MPP7: variants seen among roughly 807,000 people sequenced by gnomAD.
MPP7 encodes MAGUK p55 scaffold protein 7.
Under a neutral mutation model 76.5 loss-of-function variants are expected in MPP7, and 60 were observed. That is an observed-to-expected ratio of 0.78 (90% CI 0.64 to 0.97). MPP7 has a LOEUF of 0.97. MPP7 is among the 50% of genes least tolerant of loss of function. The pLI is 0.00. For synonymous variants in MPP7, 237 were observed against 244.5 expected (o/e 0.97, Z 0.29); for missense variants, 641 against 694.0 (o/e 0.92, Z 0.86).
chr10:28,081,990 G>A (rs1852786022), intron 12 of MPP7, among the ~76,000 whole-genome samples: 1 of 152,128 alleles, frequency 6.6e-6, no homozygotes, highest in Non-Finnish European at 1.5e-5. Flanking sequence ...GACCTCAGGT[G>A]ATCCACCTGC....
At chr10:28,229,862 C>T (rs1165999213) in intron 2 of MPP7, among the ~76,000 whole-genome samples, 2 of 150,188 alleles carry the variant, frequency 1.3e-5, no homozygotes, top group African/African-American at 4.9e-5. Context: ...GCACTCCAGC[C>T]TAGGTGACAG....
chr10:28,314,694 A>G (rs2133177723), intron 2 of MPP7, among the ~76,000 whole-genome samples: 1 of 152,344 alleles, frequency 6.6e-6, no homozygotes, highest in South Asian at 2.1e-4. Context: ...TTCTGAGGCC[A>G]TTTCCTTATT....
chr10:28,090,269 A>T (rs771682469), intron 11 of MPP7, among the ~76,000 whole-genome samples: 11 of 152,318 alleles, frequency 7.2e-5, no homozygotes, highest in Non-Finnish European at 1.6e-4. Flanking sequence ...CCTATTCATC[A>T]TAATATTGTT....
At chr10:28,145,806 CTAAAA>C (rs1209968233) in intron 5 of MPP7, among the ~76,000 whole-genome samples, 3 of 152,082 alleles carry the variant, frequency 2.0e-5, no homozygotes, top group African/African-American at 7.2e-5. Context: ...AATTATCCAC[CTAAAA>C]TATTTTCCAC....
chr10:28,266,411 G>A (rs1030572514), intron 1 of MPP7, among the ~76,000 whole-genome samples: 2 of 152,090 alleles, frequency 1.3e-5, no homozygotes, highest in Admixed American at 6.6e-5. Flanking sequence ...CACAACTTCT[G>A]CGCTTCAGGT....
At chr10:28,089,513 C>T (rs757727513) in intron 12 of MPP7, among the ~76,000 whole-genome samples, 158 bp downstream of exon 12, 1 of 152,138 alleles carries the variant, frequency 6.6e-6, no homozygotes, top group Non-Finnish European at 1.5e-5. Context: ...AAGTCAATTA[C>T]GTACAAAAAA....
chr10:28,065,946 G>T (rs1337958181), intron 13 of MPP7, among the ~76,000 whole-genome samples: 1 of 152,088 alleles, frequency 6.6e-6, no homozygotes, highest in African/African-American at 2.4e-5. Context: ...AATAATTTTT[G>T]TTACCTATTT....
intron 2 of MPP7, among the ~76,000 whole-genome samples, chr10:28,230,264 T>TA (rs1295578968): frequency 6.6e-6 from 1 of 152,180 alleles, no homozygotes; most frequent in Non-Finnish European, 1.5e-5. Flanking sequence ...TGGTAGATTT[T>TA]AAATTTTAAA....
chr10:28,328,840 C>A (rs922280015), intron 2 of MPP7, among the ~76,000 whole-genome samples: 2 of 152,142 alleles, frequency 1.3e-5, no homozygotes. Context: ...ACATATTAAA[C>A]TTTTCTACAT....
At chr10:28,193,411 A>G (rs1223204340) in intron 3 of MPP7, among the ~76,000 whole-genome samples, 1 of 151,860 alleles carries the variant, frequency 6.6e-6, no homozygotes, top group Non-Finnish European at 1.5e-5. Context: ...ACGGGGTTTC[A>G]CCATGTTAGC....
At chr10:28,180,019 G>A (rs1588890981) in intron 3 of MPP7, among the ~76,000 whole-genome samples, 2 of 152,150 alleles carry the variant, frequency 1.3e-5, no homozygotes, top group South Asian at 2.1e-4. Flanking sequence ...GAAAATAAAG[G>A]TACAATTAAA....
At chr10:28,273,389 C>T (rs117749060) in intron 1 of MPP7, among the ~76,000 whole-genome samples, 2 of 152,294 alleles carry the variant, frequency 1.3e-5, no homozygotes, top group African/African-American at 4.8e-5. Context: ...AAGAACACAG[C>T]CTACAAAAGA....
In MPP7 at chr10:28,238,994, CTGAT is replaced by C. The variant is rs1472625246; in HGVS notation, c.-131-263_-131-260del. 7.2e-5 allele frequency among the ~76,000 whole-genome samples: 11 copies of C among 152,202 alleles called. No homozygotes were observed. The East Asian group carries it at 2.1e-3, about 29-fold the overall frequency. ...ATTTTTACATTTGGGTTGAGGAACA[CTGAT>C]TGGATACGTGGATAATTTTAAGAAG... On this transcript the variant is annotated intron_variant, in intron 1 of 16. Transcript: ENST00000683449.
intron 2 of MPP7, among the ~76,000 whole-genome samples, chr10:28,223,658 G>C (rs115598073): frequency 1.0e-3 from 156 of 152,076 alleles, no homozygotes; most frequent in African/African-American, 3.6e-3. Flanking sequence ...TCAAAGACAG[G>C]ATTAGTTTAC....
At chr10:28,214,116 C>A (rs2134031772) in intron 2 of MPP7, among the ~76,000 whole-genome samples, 1 of 152,274 alleles carries the variant, frequency 6.6e-6, no homozygotes, top group Admixed American at 6.5e-5. Flanking sequence ...TGAGCTTTTA[C>A]AAGATAAACA....
chr10:28,276,030 CTTTT>C (rs537127115), intron 1 of MPP7, among the ~76,000 whole-genome samples: 1 of 131,234 alleles, frequency 7.6e-6, no homozygotes, highest in Admixed American at 7.8e-5. Context: ...CCATCACATA[CTTTT>C]TTTTTTTTTT....
intron 1 of MPP7, among the ~76,000 whole-genome samples, chr10:28,294,071 G>A (rs1023696282): frequency 6.6e-6 from 1 of 152,222 alleles, no homozygotes; most frequent in African/African-American, 2.4e-5. Flanking sequence ...ACTTTGGGAG[G>A]CCGAGGCGGG....
At chr10:28,077,151 T>C (rs1852533553) in intron 12 of MPP7, among the ~76,000 whole-genome samples, 1 of 149,074 alleles carries the variant, frequency 6.7e-6, no homozygotes, top group African/African-American at 2.5e-5. Flanking sequence ...TGGGAAAAAA[T>C]ATGCCATCTC....
chr10:28,279,151 C>T (rs1316297776), intron 1 of MPP7, among the ~76,000 whole-genome samples: 1 of 151,988 alleles, frequency 6.6e-6, no homozygotes, highest in East Asian at 1.9e-4. Context: ...GAGCTACGGG[C>T]AAGTTCTCCA....
Sources: gnomAD v4.1 joint callset for allele counts (sites outside exome capture counted in the v4.1 genomes callset) on GRCh38, gnomAD v4.1.1 for gene constraint, MANE v1.5 for transcripts, NCBI Gene and HGNC (gene_info 2026-07-23, HGNC 2026-07-21) for gene names.